AOAH: variants seen among roughly 807,000 people sequenced by gnomAD.
AOAH encodes the protein acyloxyacyl hydrolase (neutrophil).
AOAH carries 64 observed loss-of-function variants against 92.2 expected under a neutral mutation model. The ratio of observed to expected loss-of-function variants is 0.69; its 90% CI spans 0.57 to 0.86. AOAH has a LOEUF of 0.86. AOAH is among the 40% of genes least tolerant of loss of function. The pLI is 0.00. For synonymous variants in AOAH, 263 were observed against 254.5 expected (o/e 1.03, Z -0.32); for missense variants, 656 against 694.6 (o/e 0.94, Z 0.62).
chr7:36,666,829 A>G (rs1403047909), intron 3 of AOAH, among the ~76,000 whole-genome samples: 3 of 152,170 alleles, frequency 2.0e-5, no homozygotes, highest in Non-Finnish European at 4.4e-5. Flanking sequence ...TTAGGTTCAT[A>G]TGTTATTTAG....
intron 1 of AOAH, among the ~76,000 whole-genome samples, chr7:36,693,249 T>C (rs1237065805): frequency 6.6e-6 from 1 of 152,202 alleles, no homozygotes; most frequent in African/African-American, 2.4e-5. Flanking sequence ...ATCAAGAAAT[T>C]ATTAATGGAT....
At chr7:36,558,398 G>C (rs1026638458) in intron 13 of AOAH, among the ~76,000 whole-genome samples, 3 of 152,182 alleles carry the variant, frequency 2.0e-5, no homozygotes, top group South Asian at 4.1e-4. Context: ...TGCCCCTACT[G>C]GGGGGTGCCT....
At chr7:36,555,844 T>A (rs1786664252) in intron 13 of AOAH, among the ~76,000 whole-genome samples, 1 of 152,156 alleles carries the variant, frequency 6.6e-6, no homozygotes, top group Non-Finnish European at 1.5e-5. Context: ...CCCTTTATCG[T>A]TTTTTATTGC....
chr7:36,630,978 G>A (rs954388453), intron 6 of AOAH, among the ~76,000 whole-genome samples: 114 of 152,210 alleles, frequency 7.5e-4, no homozygotes, highest in African/African-American at 2.5e-3. Flanking sequence ...GAAACATATC[G>A]AAAGTTCAGC....
chr7:36,538,568 A>T (rs1406126528), intron 16 of AOAH, among the ~76,000 whole-genome samples: 3 of 152,222 alleles, frequency 2.0e-5, no homozygotes, highest in African/African-American at 4.8e-5. Context: ...GTAAATTGGG[A>T]ACAAACTTCC....
chr7:36,701,385 A>G (rs183167383), intron 1 of AOAH, among the ~76,000 whole-genome samples: 3 of 150,998 alleles, frequency 2.0e-5, no homozygotes, highest in South Asian at 2.1e-4. Context: ...GAAATTTTCA[A>G]CTCTACTGTT....
At chr7:36,701,083 G>A (rs115440561) in intron 1 of AOAH, among the ~76,000 whole-genome samples, 351 of 152,050 alleles carry the variant, frequency 2.3e-3, no homozygotes, top group African/African-American at 8.1e-3. Flanking sequence ...TTTTTTTAAG[G>A]AGGTGTGTTG....
intron 7 of AOAH, 40 bp from the exon 8 acceptor site, chr7:36,621,820 T>C (rs1792304000): frequency 6.3e-7 from 1 of 1,578,302 alleles, no homozygotes; most frequent in Non-Finnish European, 8.7e-7. Context: ...TTCAGCCTGC[T>C]TTGATGTTAT....
intron 18 of AOAH, among the ~76,000 whole-genome samples, 159 bp downstream of exon 18, chr7:36,531,988 G>C (rs967065159): frequency 1.3e-4 from 20 of 152,194 alleles, no homozygotes; most frequent in African/African-American, 1.9e-4. Flanking sequence ...GGGTGCACCA[G>C]GTTCTCTCGG....
intron 20 of AOAH, 119 bp from the exon 21 acceptor site, chr7:36,513,499 C>G: frequency 2.1e-6 from 2 of 946,734 alleles, no homozygotes; most frequent in Non-Finnish European, 3.2e-6. Context: ...TGACTCCCAC[C>G]CCCATGTCTC....
chr7:36,595,594 G>C (rs1325794897), intron 11 of AOAH, among the ~76,000 whole-genome samples: 4 of 152,110 alleles, frequency 2.6e-5, no homozygotes, highest in Admixed American at 2.6e-4. Context: ...TGAATTTCAG[G>C]CAAACAAGGA....
At chr7:36,599,643 A>G (rs1790400585) in intron 11 of AOAH, 1 of 152,246 alleles carries the variant, frequency 6.6e-6, no homozygotes, top group South Asian at 2.1e-4. Context: ...CAGATGGGGG[A>G]TTGTTACTTT....
At chr7:36,679,721 A>G (rs1160832764) in intron 2 of AOAH, among the ~76,000 whole-genome samples, 2 of 152,000 alleles carry the variant, frequency 1.3e-5, no homozygotes, top group African/African-American at 4.8e-5. Flanking sequence ...GCAGTGGTGC[A>G]ATCTCAGCTC....
At chr7:36,529,447 A>T (rs1025043355) in intron 19 of AOAH, among the ~76,000 whole-genome samples, 2 of 152,200 alleles carry the variant, frequency 1.3e-5, no homozygotes, top group Non-Finnish European at 2.9e-5. Flanking sequence ...CAGGAAATCT[A>T]GTTAAGGGAG....
intron 6 of AOAH, among the ~76,000 whole-genome samples, chr7:36,625,511 T>C (rs186757777): frequency 4.5e-4 from 68 of 152,248 alleles, no homozygotes; most frequent in Non-Finnish European, 8.1e-4. Flanking sequence ...TGATTATGAG[T>C]GCCTGCTGTC....
chr7:36,517,206 C>CTTTCTTTCTTTCTTTTCTTTCT (rs1554360930), intron 20 of AOAH, among the ~76,000 whole-genome samples: 1 of 47,148 alleles, frequency 2.1e-5, no homozygotes, highest in African/African-American at 5.2e-5. Flanking sequence ...TTCTTTCTTT[C>CTTTCTTTCTTTCTTTTCTTTCT]TTTCTTTCTC....
chr7:36,677,936 T>C (rs1796355444), intron 2 of AOAH, among the ~76,000 whole-genome samples: 1 of 152,160 alleles, frequency 6.6e-6, no homozygotes, highest in Non-Finnish European at 1.5e-5. Context: ...AGTGGTTTCT[T>C]AGGGCTGGAA....
At chr7:36,663,710 A>G (rs956229887) in intron 3 of AOAH, among the ~76,000 whole-genome samples, 2 of 152,128 alleles carry the variant, frequency 1.3e-5, no homozygotes, top group Non-Finnish European at 2.9e-5. Context: ...TGTTTATATG[A>G]TTGGACATTG....
In AOAH at chr7:36,581,000, G is replaced by C. The variant is rs576371435; in HGVS notation, c.939-4344C>G. 3.3e-5 allele frequency among the ~76,000 whole-genome samples: 5 copies of C among 152,266 alleles called. No individual in the cohort carries two copies. In the East Asian group the frequency reaches 7.7e-4, roughly 24 times the overall value. ...GGTGTCTTCCAGTCCAGAGGCCCTT[G>C]ACTTTAGTGTTTCCAGAGAATAAAG... On this transcript the variant is annotated intron_variant, in intron 12 of 20. Transcript: ENST00000617537.
Sources: allele counts gnomAD v4.1 joint callset (sites outside exome capture counted in the v4.1 genomes callset), GRCh38; gene constraint gnomAD v4.1.1; transcripts MANE v1.5; gene names NCBI Gene and HGNC (gene_info 2026-07-23, HGNC 2026-07-21).